GDPD4: variants seen among roughly 807,000 people sequenced by gnomAD.
The protein encoded by GDPD4 is glycerophosphodiester phosphodiesterase 6.
A neutral mutation model predicts 67.8 loss-of-function variants in GDPD4; 60 were observed. The observed-to-expected ratio is 0.88, with a 90% CI of 0.72 to 1.10. GDPD4 has a LOEUF of 1.10. Among genes scored for constraint, GDPD4 ranks in the 50% least tolerant of loss-of-function variants. The pLI, the probability that GDPD4 is intolerant of heterozygous loss-of-function variation, is 0.00. For synonymous variants in GDPD4, 212 were observed against 210.9 expected, an observed-to-expected ratio of 1.00 and a Z score of -0.04; for missense variants, 623 against 613.9, an observed-to-expected ratio of 1.01 and a Z score of -0.16.
intron 11 of GDPD4, among the ~76,000 whole-genome samples, chr11:77,246,866 T>C (rs907676398): frequency 2.0e-5 from 3 of 152,304 alleles, no homozygotes; most frequent in South Asian, 2.1e-4. Context: ...TTAAATTTAA[T>C]AGATGGCAAC....
In GDPD4 at chr11:77,279,371, A is replaced by G. The variant is rs1282610994; in HGVS notation, c.82T>C (p.Phe28Leu). ...WVTFLGTGYW[F>L]FWSIFILSLA... Reference sequence around the variant, plus strand: ...CTCAGAATAAAAATAGACCAGAAAAACCAGTATCCTGTTCCTAGAAAAGTG... The same window carrying G: ...CTCAGAATAAAAATAGACCAGAAAAGCCAGTATCCTGTTCCTAGAAAAGTG... Residue 28 changes from phenylalanine to leucine, a missense_variant, in exon 4 of 17, where the codon TTT (phenylalanine) becomes CTT (leucine). By Grantham distance (22) the Phe-to-Leu change is conservative (BLOSUM62 0). Coordinates refer to ENST00000315938, the MANE Select transcript of GDPD4 (RefSeq NM_182833.3). The G allele has an allele frequency of 6.2e-7, 1 of 1,611,612 alleles. No homozygotes were observed. The highest frequency in any genetic ancestry group is 1.3e-5 in the African/African-American group (1 of 74,812).
intron 5 of GDPD4, among the ~76,000 whole-genome samples, chr11:77,275,588 CCT>C (rs565120301): frequency 4.0e-4 from 61 of 152,156 alleles, no homozygotes; most frequent in African/African-American, 1.4e-3. Flanking sequence ...GAAATGAACC[CCT>C]GATTCCCTTT....
intron 13 of GDPD4, among the ~76,000 whole-genome samples, chr11:77,240,338 G>A (rs752476356): frequency 1.3e-5 from 2 of 152,078 alleles, no homozygotes; most frequent in Non-Finnish European, 2.9e-5. Flanking sequence ...AATTCAAATC[G>A]TTATAGTTAA....
chr11:77,289,844 G>A (rs1417560566), intron 1 of GDPD4, among the ~76,000 whole-genome samples: 3 of 137,296 alleles, frequency 2.2e-5, no homozygotes, highest in Non-Finnish European at 4.8e-5. Flanking sequence ...GGAAGGAAAG[G>A]AGGGAGGGAG....
intron 11 of GDPD4, among the ~76,000 whole-genome samples, chr11:77,257,586 CA>C (rs1959028401): frequency 6.6e-6 from 1 of 151,530 alleles, no homozygotes. Flanking sequence ...CACACACACA[CA>C]CACACACCCT....
At chr11:77,293,540 G>C (rs1937849415) in intron 1 of GDPD4, among the ~76,000 whole-genome samples, 1 of 150,008 alleles carries the variant, frequency 6.7e-6, no homozygotes, top group Non-Finnish European at 1.5e-5. Context: ...GTTACAGTAA[G>C]CCAAGATCAC....
chr11:77,268,597 T>C, intron 9 of GDPD4, 58 bp from the exon 10 acceptor site: 1 of 1,339,512 alleles, frequency 7.5e-7, no homozygotes, highest in Non-Finnish European at 1.1e-6. Context: ...CCAGCATTCC[T>C]TTTGTGGTAG....
At chr11:77,223,211 A>T (rs1565504143) in intron 16 of GDPD4, among the ~76,000 whole-genome samples, 1 of 152,120 alleles carries the variant, frequency 6.6e-6, no homozygotes. Flanking sequence ...TCTGAAGCCT[A>T]CTTCTGTCAG....
intron 4 of GDPD4, among the ~76,000 whole-genome samples, chr11:77,277,456 A>T (rs1959532582): frequency 2.6e-5 from 3 of 115,436 alleles, no homozygotes. Context: ...GCTGGAGTGC[A>T]GTGTGGCTCG....
At chr11:77,283,750 C>A (rs1670460) in intron 3 of GDPD4, among the ~76,000 whole-genome samples, 113,171 of 151,928 alleles carry the variant, frequency 0.74, 43,248 homozygotes, top group African/African-American at 0.93. Context: ...ATCAAGAAAA[C>A]ATTATGCAAT....
intron 10 of GDPD4, among the ~76,000 whole-genome samples, chr11:77,264,340 A>C (rs142403190): frequency 9.8e-5 from 15 of 152,292 alleles, no homozygotes; most frequent in African/African-American, 2.9e-4. Flanking sequence ...AATTTTATAA[A>C]GTGGGATGAG....
chr11:77,301,571 G>A (rs34976341), intron 1 of GDPD4, 34 bp downstream of exon 1: 1 of 152,232 alleles, frequency 6.6e-6, no homozygotes, highest in Non-Finnish European at 1.5e-5. Context: ...GTGCTGCTTA[G>A]GGAGGAAGCA....
intron 1 of GDPD4, among the ~76,000 whole-genome samples, chr11:77,300,474 A>T (rs1051228229): frequency 6.6e-6 from 1 of 152,124 alleles, no homozygotes; most frequent in Non-Finnish European, 1.5e-5. Context: ...CCAATCACCT[A>T]GTCTCTAAGG....
At chr11:77,254,772 G>A (rs555650261) in intron 11 of GDPD4, among the ~76,000 whole-genome samples, 1 of 151,956 alleles carries the variant, frequency 6.6e-6, no homozygotes, top group African/African-American at 2.4e-5. Flanking sequence ...TTCTTATTTT[G>A]TTATAAGATT....
At chr11:77,245,853 G>GT (rs1179680852) in intron 11 of GDPD4, among the ~76,000 whole-genome samples, 2 of 152,106 alleles carry the variant, frequency 1.3e-5, no homozygotes, top group African/African-American at 4.8e-5. Flanking sequence ...CTAGTTTTGT[G>GT]TAATAGGAAG....
chr11:77,221,403 A>C (rs1335774704), intron 16 of GDPD4, among the ~76,000 whole-genome samples: 2 of 152,188 alleles, frequency 1.3e-5, no homozygotes, highest in East Asian at 1.9e-4. Context: ...ACTGCTTTAC[A>C]TGTGTCCCAG....
intron 2 of GDPD4, among the ~76,000 whole-genome samples, chr11:77,285,943 G>A (rs879783816): frequency 2.0e-5 from 3 of 152,250 alleles, no homozygotes; most frequent in South Asian, 2.1e-4. Flanking sequence ...TTTTCAATAC[G>A]TCCTCCACAC....
chr11:77,222,837 G>A (rs1474065451), intron 16 of GDPD4, among the ~76,000 whole-genome samples: 1 of 152,170 alleles, frequency 6.6e-6, no homozygotes, highest in African/African-American at 2.4e-5. Flanking sequence ...TTCTAACTTG[G>A]TTCCATTCTC....
intron 11 of GDPD4, among the ~76,000 whole-genome samples, chr11:77,256,273 A>G (rs1959002489): frequency 6.6e-6 from 1 of 152,234 alleles, no homozygotes; most frequent in African/African-American, 2.4e-5. Context: ...TATTAACTAT[A>G]GCTAACTAAT....
Sources: gnomAD v4.1 joint callset for allele counts (sites outside exome capture counted in the v4.1 genomes callset) on GRCh38, gnomAD v4.1.1 for gene constraint, MANE v1.5 for transcripts, NCBI Gene and HGNC (gene_info 2026-07-23, HGNC 2026-07-21) for gene names.